Variants in CDH8 observed in about 807,000 individuals in gnomAD.
CDH8 encodes cadherin 8, also known as cadherin-8.
A neutral mutation model predicts 68.1 loss-of-function variants in CDH8; 17 were observed. The ratio of observed to expected loss-of-function variants is 0.25; its 90% confidence interval spans 0.17 to 0.37. CDH8 has a LOEUF of 0.37. Among genes scored for constraint, CDH8 ranks in the 10% least tolerant of loss-of-function variants. The pLI is 1.00. For synonymous variants in CDH8, 372 were observed against 365.1 expected (o/e 1.02, Z -0.21); for missense variants, 763 against 999.3 (o/e 0.76, Z 3.19).
chr16:61,797,414 T>A (rs554697810), intron 7 of CDH8, among the ~76,000 whole-genome samples: 2 of 152,112 alleles, frequency 1.3e-5, no homozygotes, highest in African/African-American at 4.8e-5. Flanking sequence ...AACAGATAAA[T>A]GAATAATAGG....
chr16:61,880,077 C>G (rs1265621021), intron 3 of CDH8, among the ~76,000 whole-genome samples: 1 of 152,054 alleles, frequency 6.6e-6, no homozygotes, highest in Non-Finnish European at 1.5e-5. Flanking sequence ...AGGCGCCCAC[C>G]ACCACGCCCT....
At chr16:61,873,315 C>T (rs1041431279) in intron 3 of CDH8, among the ~76,000 whole-genome samples, 8 of 152,080 alleles carry the variant, frequency 5.3e-5, no homozygotes, top group Non-Finnish European at 4.4e-5. Context: ...CTGGCTTTGT[C>T]TCTGAAAGGA....
At chr16:61,737,993 A>G (rs569229231) in intron 8 of CDH8, among the ~76,000 whole-genome samples, 1 of 152,276 alleles carries the variant, frequency 6.6e-6, no homozygotes, top group South Asian at 2.1e-4. Flanking sequence ...AGAGTAGTTT[A>G]TAATTAAATT....
intron 2 of CDH8, among the ~76,000 whole-genome samples, chr16:62,009,624 A>T (rs1200886124): frequency 1.3e-5 from 2 of 152,174 alleles, no homozygotes; most frequent in Non-Finnish European, 2.9e-5. Context: ...AAGAACCTAG[A>T]AAATTGCTCA....
chr16:61,774,385 C>G (rs925981807), intron 8 of CDH8, among the ~76,000 whole-genome samples: 1 of 150,606 alleles, frequency 6.6e-6, no homozygotes, highest in Non-Finnish European at 1.5e-5. Context: ...TGAACACAGT[C>G]AGTGCCCCAC....
rs568132497 is a variant in CDH8 at position 61,690,251 on chromosome 16, T to C, written c.1654+23590A>G. On this transcript the variant is annotated intron_variant, in intron 10 of 11. Coordinates refer to ENST00000577390, the MANE Select transcript of CDH8 (RefSeq NM_001796.5). The stretch of plus-strand genomic sequence containing the variant: ...GAGGTCTAAAGATAGATTCTAAAGG[T>C]TAATAATTCCTCTATTTCTTGGCTT... Among the ~76,000 whole-genome samples the C allele has an allele frequency of 1.8e-3, 275 of 152,192 alleles. 1 individual carries two copies. The highest frequency in any genetic ancestry group is 6.5e-3 in the African/African-American group (269 of 41,554).
chr16:61,721,553 C>T (rs965421072), intron 9 of CDH8, among the ~76,000 whole-genome samples: 3 of 150,684 alleles, frequency 2.0e-5, no homozygotes, highest in African/African-American at 7.3e-5. Context: ...GGGATAATTA[C>T]CTTTACTTCT....
chr16:61,947,651 T>C (rs1964821559), intron 2 of CDH8, among the ~76,000 whole-genome samples: 1 of 152,228 alleles, frequency 6.6e-6, no homozygotes, highest in Non-Finnish European at 1.5e-5. Context: ...AGACTTAATA[T>C]ATGAATGTGA....
intron 10 of CDH8, among the ~76,000 whole-genome samples, chr16:61,666,200 GTGTGTGTA>G (rs1212266188): frequency 6.7e-6 from 1 of 149,368 alleles, no homozygotes; most frequent in African/African-American, 2.5e-5. Flanking sequence ...GTGTGTGTGT[GTGTGTGTA>G]TATATATATA....
intron 3 of CDH8, among the ~76,000 whole-genome samples, chr16:61,865,897 C>T (rs1166161502): frequency 6.6e-6 from 1 of 152,142 alleles, no homozygotes; most frequent in Non-Finnish European, 1.5e-5. Flanking sequence ...GGTGGCACCA[C>T]AGATGCCCAG....
intron 2 of CDH8, among the ~76,000 whole-genome samples, chr16:61,999,331 G>T (rs1391240341): frequency 6.6e-6 from 1 of 152,138 alleles, no homozygotes; most frequent in Non-Finnish European, 1.5e-5. Flanking sequence ...TTTTGCTAGG[G>T]TTTCACAGCT....
rs188928183 is a variant in CDH8, at chr16:61,710,089, G to A, written c.1654+3752C>T. 3.9e-4 allele frequency among the ~76,000 whole-genome samples: 60 copies of A among 152,224 alleles called. No homozygotes were observed. The South Asian group carries it at 9.1e-3, about 23-fold the overall frequency. ...ATGAATTCACATATAAAGGGACCTC[G>A]TCCCACTTATTGTTGCGTGTTTTTC... On this transcript the variant is annotated intron_variant, in intron 10 of 11. Transcript: ENST00000577390.
intron 8 of CDH8, among the ~76,000 whole-genome samples, chr16:61,762,150 G>A (rs1288585404): frequency 6.6e-6 from 1 of 152,158 alleles, no homozygotes; most frequent in Admixed American, 6.6e-5. Flanking sequence ...CATTGCCCGT[G>A]GTGGTGTATA....
At chr16:61,989,569 C>T (rs941152083) in intron 2 of CDH8, among the ~76,000 whole-genome samples, 1 of 152,164 alleles carries the variant, frequency 6.6e-6, no homozygotes, top group Non-Finnish European at 1.5e-5. Context: ...ACATGTTTTT[C>T]AGATACTTGC....
intron 2 of CDH8, among the ~76,000 whole-genome samples, chr16:61,922,431 T>TTTA (rs1463726250): frequency 6.6e-6 from 1 of 152,174 alleles, no homozygotes; most frequent in Non-Finnish European, 1.5e-5. Flanking sequence ...CAACCATCTC[T>TTTA]TTATTATTTA....
chr16:61,727,803 T>G (rs949657087), intron 8 of CDH8, among the ~76,000 whole-genome samples: 2 of 151,158 alleles, frequency 1.3e-5, no homozygotes, highest in Non-Finnish European at 1.5e-5. Flanking sequence ...ATTTTAATAT[T>G]GTCATTTTCA....
intron 10 of CDH8, among the ~76,000 whole-genome samples, chr16:61,671,856 A>G (rs893392885): frequency 3.9e-5 from 6 of 152,050 alleles, no homozygotes; most frequent in Non-Finnish European, 8.8e-5. Context: ...ATACAGATGG[A>G]GAGAGCAGAA....
At chr16:61,714,865 G>C (rs1964694256) in intron 9 of CDH8, among the ~76,000 whole-genome samples, 2 of 151,550 alleles carry the variant, frequency 1.3e-5, no homozygotes, top group Non-Finnish European at 3.0e-5. Flanking sequence ...ATATTTCGAG[G>C]ATATAATAAT....
In CDH8 at chr16:61,652,747, C is replaced by G; in HGVS notation, c.*861G>C. On this transcript the variant is annotated 3_prime_UTR_variant, in exon 12 of 12. Coordinates refer to ENST00000577390, the MANE Select transcript of CDH8 (RefSeq NM_001796.5). ...CTTAATAAATAAAAGCATTAATGGA[C>G]ATCAATAAAATATTTATTTCGAGGA... The G allele has an allele frequency of 1.5e-6, 2 of 1,315,916 alleles. No homozygotes were observed. The highest frequency in any genetic ancestry group is 1.9e-6 in the Non-Finnish European group (2 of 1,033,710). 81.5% of individuals were successfully genotyped at this position (1,315,916 alleles called of 1,614,324 possible). A position where few individuals can be genotyped will look rare whatever the true frequency, so the allele number is the denominator to read the frequency against.
Sources: allele counts gnomAD v4.1 joint callset (sites outside exome capture counted in the v4.1 genomes callset), GRCh38; gene constraint gnomAD v4.1.1; transcripts MANE v1.5; gene names NCBI Gene and HGNC (gene_info 2026-07-23, HGNC 2026-07-21).